ERCC2: variants seen among roughly 807,000 people sequenced by gnomAD.
ERCC2 encodes the protein ERCC excision repair 2, TFIIH core complex helicase subunit.
Under a neutral mutation model 99.4 loss-of-function variants are expected in ERCC2, and 90 were observed. The observed-to-expected ratio is 0.91, with a 90% CI of 0.76 to 1.08. ERCC2 has a LOEUF of 1.08. ERCC2 is among the 50% of genes least tolerant of loss of function. The pLI is 0.00. For missense variants in ERCC2, 993 were observed against 1,038.1 expected (o/e 0.96, Z 0.60); for synonymous variants, 497 against 432.4 (o/e 1.15, Z -1.85).
intron 12 of ERCC2, 34 bp downstream of exon 12, chr19:45,361,490 G>A: frequency 6.8e-7 from 1 of 1,467,348 alleles, no homozygotes; most frequent in Non-Finnish European, 9.6e-7. Flanking sequence ...CAGCTGCTAG[G>A]AGGCCCAGCA....
At chr19:45,360,253 T>C (rs1972170117) in intron 12 of ERCC2, among the ~76,000 whole-genome samples, 1 of 150,402 alleles carries the variant, frequency 6.6e-6, no homozygotes, top group Non-Finnish European at 1.5e-5. Flanking sequence ...GCTAACTTTT[T>C]TTGTATTTTT....
rs3916821 is a variant in ERCC2, at chr19:45,362,332, C to T, written c.1119-690G>A. On this transcript the variant is annotated intron_variant, in intron 11 of 22. Coordinates refer to ENST00000391945, the MANE Select transcript of ERCC2 (RefSeq NM_000400.4). ...GGTCACGCATTCACACCCAGAGCCT[C>T]TCCCACTGCCTCTCACGCACCTATG... 1.7e-3 allele frequency among the ~76,000 whole-genome samples: 261 copies of T among 152,336 alleles called. 1 individual carries two copies. Among genetic ancestry groups the T allele is most frequent in the Admixed American group, 3.9e-3 (60 of 15,302 alleles).
intron 11 of ERCC2, 142 bp downstream of exon 11, chr19:45,363,599 GAC>G: frequency 1.0e-6 from 1 of 981,596 alleles, no homozygotes; most frequent in South Asian, 1.7e-5. Context: ...TCCCAGGTCA[GAC>G]CAGACAAGGT....
chr19:45,355,857 G>A (rs1299168449), intron 15 of ERCC2, 129 bp from the exon 16 acceptor site: 1 of 754,794 alleles, frequency 1.3e-6, no homozygotes, highest in South Asian at 1.5e-5. Flanking sequence ...GTGTCACCAT[G>A]TTGCCCAGGC....
At chr19:45,357,238 T>A in intron 15 of ERCC2, 32 bp downstream of exon 15, 1 of 1,531,584 alleles carries the variant, frequency 6.5e-7, no homozygotes, top group Non-Finnish European at 9.0e-7. Context: ...CCATCTCCCC[T>A]CCCGGCCCCA....
At chr19:45,364,684 T>A (rs964848344) in intron 7 of ERCC2, 137 bp from the exon 8 acceptor site, 1 of 1,396,256 alleles carries the variant, frequency 7.2e-7, no homozygotes, top group Non-Finnish European at 1.0e-6. Context: ...AGCAGATGGA[T>A]AGAGACAGAC....
chr19:45,363,180 C>T (rs887285774), intron 11 of ERCC2, among the ~76,000 whole-genome samples: 3 of 152,164 alleles, frequency 2.0e-5, no homozygotes, highest in African/African-American at 7.2e-5. Flanking sequence ...CTGCCCTGTG[C>T]CTCAAGAGAC....
At chr19:45,370,496 C>A (rs1482753346) in intron 1 of ERCC2, 40 bp downstream of exon 1, 3 of 1,571,878 alleles carry the variant, frequency 1.9e-6, no homozygotes, top group Middle Eastern at 2.0e-4. Context: ...CAAGACCCCC[C>A]GCGCCCGCTA....
At chr19:45,364,746 G>T in intron 7 of ERCC2, 92 bp downstream of exon 7, 1 of 1,278,444 alleles carries the variant, frequency 7.8e-7, no homozygotes. Context: ...CAGACTCACA[G>T]CAAGCAACAG....
chr19:45,350,662 C>G lies in ERCC2; in HGVS notation c.*967G>C, dbSNP rs770358528. ...CCAGGCCCTTCGCCGCAGCAGCTCA[C>G]TCTCCAAGATCCGTGAGTCTATCAG... On this transcript the variant is annotated 3_prime_UTR_variant, in exon 23 of 23. Coordinates refer to ENST00000391945, the MANE Select transcript of ERCC2 (RefSeq NM_000400.4). 7 of 1,612,750 alleles carry G rather than the reference C, an allele frequency of 4.3e-6. No individual in the cohort carries two copies. The South Asian group carries it at 7.7e-5, about 18-fold the overall frequency.
Position 45,351,390 on chromosome 19 carries a change from G to GGGAACAGTGCAGGAGGGATGGGCT in ERCC2, c.*215_*238dup. 6.2e-7 allele frequency: 1 copy of GGGAACAGTGCAGGAGGGATGGGCT among 1,606,562 alleles called. No homozygotes were observed. The highest frequency in any genetic ancestry group is 8.5e-7 in the Non-Finnish European group (1 of 1,179,848). On this transcript the variant is annotated 3_prime_UTR_variant, in exon 23 of 23. Coordinates refer to ENST00000391945, the MANE Select transcript of ERCC2 (RefSeq NM_000400.4). ...TGAACTGCGCTGGCCGCAGCTTCTT[G>GGGAACAGTGCAGGAGGGATGGGCT]GGAACAGTGCAGGAGGGATGGGCTG...
At position 45,351,194 on chromosome 19, in the gene ERCC2, T is replaced by G. The variant is rs3916894; in HGVS notation, c.*435A>C. On this transcript the variant is annotated 3_prime_UTR_variant, in exon 23 of 23. Transcript: ENST00000391945. ...TTGGGGTAGAGGCGAGGGGGTTGGA[T>G]AGTTGGCTGCCAGGCTGGACCTGGA... 1,879 of 1,585,440 alleles carry G rather than the reference T, an allele frequency of 1.2e-3. 9 individuals are homozygous for G. In the African/African-American group the frequency reaches 0.018, roughly 15 times the overall value.
chr19:45,349,841 A>C lies in ERCC2; in HGVS notation c.*1788T>G, dbSNP rs1460426483. 3 of 527,138 alleles carry C rather than the reference A, an allele frequency of 5.7e-6. No individual in the cohort carries two copies. The highest frequency in any genetic ancestry group is 3.5e-5 in the Admixed American group (1 of 28,338). 32.7% of individuals were successfully genotyped at this position (527,138 alleles called of 1,614,324 possible). A position where few individuals can be genotyped will look rare whatever the true frequency, so the allele number is the denominator to read the frequency against. On this transcript the variant is annotated 3_prime_UTR_variant, in exon 23 of 23. Coordinates refer to ENST00000391945, the MANE Select transcript of ERCC2 (RefSeq NM_000400.4). ...GCGGAAGCTGGCAGGCACAGGTGGC[A>C]GCAGCAGACATTTATTGAGCTCACT... is the stretch of plus-strand genomic sequence containing the variant.
intron 5 of ERCC2, among the ~76,000 whole-genome samples, chr19:45,367,368 T>TATAC (rs1449067370): frequency 3.6e-5 from 3 of 83,272 alleles, no homozygotes; most frequent in Admixed American, 1.0e-4. Flanking sequence ...TATATATATA[T>TATAC]ACACACACAC....
chr19:45,353,864 T>C (rs113331520), intron 17 of ERCC2, among the ~76,000 whole-genome samples: 296 of 152,314 alleles, frequency 1.9e-3, no homozygotes, highest in African/African-American at 6.7e-3. Context: ...AGGTACCTCA[T>C]AGACCTGGAT....
Position 45,349,985 on chromosome 19 carries a change from C to T in ERCC2, c.*1644G>A. 1 of 423,606 alleles carries T rather than the reference C, an allele frequency of 2.4e-6. No individual in the cohort carries two copies. The highest frequency in any genetic ancestry group is 3.4e-5 in the South Asian group (1 of 29,508). The allele number at this position is 423,606 out of a possible 1,614,324, so 26.2% of individuals were successfully genotyped here. A position where few individuals can be genotyped will look rare whatever the true frequency, so the allele number is the denominator to read the frequency against. ...AGACTGAGGCACCGAGGCCATGCCA[C>T]CAGCCCAAAGTACAGCAGACAGGCT... On this transcript the variant is annotated 3_prime_UTR_variant, in exon 23 of 23. Transcript: ENST00000391945.
chr19:45,364,425 A>G lies in ERCC2; in HGVS notation c.717T>C (p.Ile239=), dbSNP rs768954113. Residue 239 remains isoleucine, a splice_region_variant and synonymous_variant, in exon 8 of 23, where the codon ATT becomes ATC. Coordinates refer to ENST00000391945, the MANE Select transcript of ERCC2 (RefSeq NM_000400.4). Reference sequence around the variant, plus strand: ...TTTGGCCCCTGGCGCCCCCCTCACCAATGTTGTGGGCCTCGTCGAAGACCA... The same window carrying G: ...TTTGGCCCCTGGCGCCCCCCTCACCGATGTTGTGGGCCTCGTCGAAGACCA... ...AVVVFDEAHN[I]DNVCIDSMSV... The G allele has an allele frequency of 5.0e-6, 8 of 1,613,892 alleles. No homozygotes were observed. Among genetic ancestry groups the G allele is most frequent in the Non-Finnish European group, 6.8e-6 (8 of 1,179,986 alleles).
chr19:45,365,961 C>T (rs1455932561), intron 5 of ERCC2, among the ~76,000 whole-genome samples: 1 of 151,964 alleles, frequency 6.6e-6, no homozygotes, highest in African/African-American at 2.4e-5. Flanking sequence ...CTCAGCCTCC[C>T]GAGTAGCTGC....
chr19:45,361,400 GC>G (rs1330335436), intron 12 of ERCC2, 123 bp downstream of exon 12: 15 of 768,986 alleles, frequency 2.0e-5, no homozygotes, highest in Non-Finnish European at 3.6e-5. Flanking sequence ...TCAAAATAGG[GC>G]CCACACTTCC....
Sources: allele counts gnomAD v4.1 joint callset (sites outside exome capture counted in the v4.1 genomes callset), GRCh38; gene constraint gnomAD v4.1.1; transcripts MANE v1.5; gene names NCBI Gene and HGNC (gene_info 2026-07-23, HGNC 2026-07-21).